Variants in MDFIC2 observed in about 807,000 individuals in gnomAD.
The protein encoded by MDFIC2 is MyoD family inhibitor domain containing 2.
rs1324790767 is a variant in MDFIC2, at chr3:70,289,544, T to G, written c.88+22342A>C. On this transcript the variant is annotated intron_variant, in intron 2 of 3. Coordinates refer to ENST00000567252, the MANE Select transcript of MDFIC2 (RefSeq NM_001364677.1). Reference sequence around the variant, plus strand: ...AATCTGACAATTATGTGTCTTGGAGTTGCTCTTCTCGAGGAGTATCTTTGT... The same window carrying G: ...AATCTGACAATTATGTGTCTTGGAGGTGCTCTTCTCGAGGAGTATCTTTGT... Among the ~76,000 whole-genome samples, 19 of 148,040 alleles carry G rather than the reference T, an allele frequency of 1.3e-4. No individual in the cohort carries two copies. In the East Asian group the frequency reaches 1.6e-3, roughly 13 times the overall value.
intron 2 of MDFIC2, among the ~76,000 whole-genome samples, chr3:70,310,929 T>C (rs867757632): frequency 6.6e-6 from 1 of 152,298 alleles, no homozygotes; most frequent in Middle Eastern, 3.4e-3. Flanking sequence ...TTTAGGCAAG[T>C]TACTAGAACT....
intron 2 of MDFIC2, among the ~76,000 whole-genome samples, chr3:70,235,523 C>A (rs1048071039): frequency 6.6e-6 from 1 of 152,158 alleles, no homozygotes; most frequent in Non-Finnish European, 1.5e-5. Context: ...CTCTAATCAC[C>A]AAATCAATGA....
chr3:70,269,443 A>G (rs1236327842), intron 2 of MDFIC2, among the ~76,000 whole-genome samples: 1 of 152,170 alleles, frequency 6.6e-6, no homozygotes, highest in Non-Finnish European at 1.5e-5. Flanking sequence ...TGTTCTAACC[A>G]TGTTCAAGTA....
Position 70,261,408 on chromosome 3 carries a change from C to T in MDFIC2, c.88+50478G>A, listed in dbSNP as rs182341773. 2.6e-5 allele frequency among the ~76,000 whole-genome samples: 4 copies of T among 152,338 alleles called. No homozygotes were observed. In the East Asian group the frequency reaches 7.7e-4, roughly 29 times the overall value. On this transcript the variant is annotated intron_variant, in intron 2 of 3. Transcript: ENST00000567252. ...AATCTGAAACCTCAGCAGCTTCACT[C>T]TCACTGTATCAGCTGCAGCCATCTA...
At chr3:70,268,325 A>G (rs1278923254) in intron 2 of MDFIC2, among the ~76,000 whole-genome samples, 1 of 152,120 alleles carries the variant, frequency 6.6e-6, no homozygotes, top group Non-Finnish European at 1.5e-5. Flanking sequence ...AATACAAAAA[A>G]TTAGCCAGGC....
chr3:70,296,786 T>C (rs1383390374), intron 2 of MDFIC2, among the ~76,000 whole-genome samples: 3 of 152,100 alleles, frequency 2.0e-5, no homozygotes, highest in Non-Finnish European at 4.4e-5. Flanking sequence ...TTTCTTCCAA[T>C]CTGCTTTTTC....
Position 70,292,219 on chromosome 3 carries a change from A to G in MDFIC2, c.88+19667T>C, listed in dbSNP as rs761890636. ...TGAATTGGAGATAATAATACCACAT[A>G]GAGTTGTTGTACAGATTGAGTGGTA... On this transcript the variant is annotated intron_variant, in intron 2 of 3. Transcript: ENST00000567252. Among the ~76,000 whole-genome samples, 6 of 152,184 alleles carry G rather than the reference A, an allele frequency of 3.9e-5. 1 individual carries two copies. The highest frequency in any genetic ancestry group is 6.3e-3 in the Middle Eastern group (2 of 316).
chr3:70,238,005 T>G (rs1394381701), intron 2 of MDFIC2, among the ~76,000 whole-genome samples: 1 of 135,012 alleles, frequency 7.4e-6, no homozygotes, highest in Non-Finnish European at 1.6e-5. Context: ...TTTTTTTTTT[T>G]GCCTGTCCAG....
At chr3:70,291,587 C>G (rs1702240327) in intron 2 of MDFIC2, among the ~76,000 whole-genome samples, 1 of 152,120 alleles carries the variant, frequency 6.6e-6, no homozygotes, top group Admixed American at 6.5e-5. Flanking sequence ...ATACTTAGCA[C>G]AGTGCTGGGA....
chr3:70,245,216 G>C lies in MDFIC2; in HGVS notation c.89-38426C>G, dbSNP rs77258396. On this transcript the variant is annotated intron_variant, in intron 2 of 3. Coordinates refer to ENST00000567252, the MANE Select transcript of MDFIC2 (RefSeq NM_001364677.1). ...TGGCGTTAAGTCTGCATTTTTAAAA[G>C]AGTTTTTTTCTAAAATTATTTCAAA... 8.5e-3 allele frequency among the ~76,000 whole-genome samples: 1,285 copies of C among 152,000 alleles called. 21 individuals are homozygous for C. The highest frequency in any genetic ancestry group is 0.029 in the African/African-American group (1,211 of 41,470).
chr3:70,258,211 G>T, intron 2 of MDFIC2, among the ~76,000 whole-genome samples: 1 of 152,050 alleles, frequency 6.6e-6, no homozygotes, highest in East Asian at 1.9e-4. Flanking sequence ...GAAAATATTT[G>T]CAACTTTGAG....
At chr3:70,229,788 C>T (rs1319016467) in intron 2 of MDFIC2, among the ~76,000 whole-genome samples, 1 of 152,014 alleles carries the variant, frequency 6.6e-6, no homozygotes, top group East Asian at 1.9e-4. Context: ...ATTTTGGTGG[C>T]CAAGAATTCA....
intron 2 of MDFIC2, among the ~76,000 whole-genome samples, chr3:70,270,300 G>T (rs1305151573): frequency 6.6e-6 from 1 of 152,038 alleles, no homozygotes; most frequent in African/African-American, 2.4e-5. Flanking sequence ...TTCAAAGCAT[G>T]GGAAATAAAT....
chr3:70,277,702 T>C (rs1326076630), intron 2 of MDFIC2, among the ~76,000 whole-genome samples: 1 of 152,150 alleles, frequency 6.6e-6, no homozygotes, highest in Admixed American at 6.5e-5. Flanking sequence ...CTTCAGGGCA[T>C]GATGCCACCT....
chr3:70,287,346 A>G (rs1702176890), intron 2 of MDFIC2, among the ~76,000 whole-genome samples: 1 of 148,388 alleles, frequency 6.7e-6, no homozygotes, highest in Non-Finnish European at 1.5e-5. Flanking sequence ...CTGTGTTTAT[A>G]TGCTGGATTA....
At chr3:70,227,380 T>C (rs1701517575) in intron 2 of MDFIC2, among the ~76,000 whole-genome samples, 2 of 152,196 alleles carry the variant, frequency 1.3e-5, no homozygotes, top group Non-Finnish European at 2.9e-5. Flanking sequence ...GATGAGAATA[T>C]GTCAAGAAAA....
chr3:70,233,146 G>A (rs1446352378), intron 2 of MDFIC2, among the ~76,000 whole-genome samples: 2 of 152,168 alleles, frequency 1.3e-5, no homozygotes, highest in Non-Finnish European at 2.9e-5. Flanking sequence ...CCAAGATCGC[G>A]CCACTGCATT....
chr3:70,303,123 A>T (rs1702366227), intron 2 of MDFIC2, among the ~76,000 whole-genome samples: 1 of 152,222 alleles, frequency 6.6e-6, no homozygotes, highest in Non-Finnish European at 1.5e-5. Context: ...TCAACAGCAC[A>T]TATCACGTAA....
At chr3:70,207,282 T>G (rs1024579934) in intron 2 of MDFIC2, among the ~76,000 whole-genome samples, 3 of 152,080 alleles carry the variant, frequency 2.0e-5, no homozygotes, top group African/African-American at 7.2e-5. Context: ...TATAAATGAA[T>G]AGTCTATAAG....
Sources: gnomAD v4.1 joint callset for allele counts (sites outside exome capture counted in the v4.1 genomes callset) on GRCh38, gnomAD v4.1.1 for gene constraint, MANE v1.5 for transcripts, NCBI Gene and HGNC (gene_info 2026-07-23, HGNC 2026-07-21) for gene names.